DPP10: variants seen among roughly 807,000 people sequenced by gnomAD.
DPP10 encodes dipeptidyl peptidase like 10.
In DPP10, 33 loss-of-function variants were observed where a neutral mutation model predicts 120.9. The ratio of observed to expected loss-of-function variants is 0.27; its 90% CI spans 0.21 to 0.37. The LOEUF (loss-of-function observed/expected upper bound fraction) is 0.37, where lower values mean the gene tolerates loss of function less well. Ranked by LOEUF, DPP10 falls within the 10% of genes least tolerant of loss-of-function variation. DPP10 has a pLI of 1.00. For synonymous variants in DPP10, 337 were observed against 326.1 expected, an observed-to-expected ratio of 1.03 and a Z score of -0.36; for missense variants, 816 against 942.8, an observed-to-expected ratio of 0.87 and a Z score of 1.76.
intron 1 of DPP10, among the ~76,000 whole-genome samples, chr2:114,968,177 C>G (rs1699165141): frequency 6.6e-6 from 1 of 152,172 alleles, no homozygotes; most frequent in Non-Finnish European, 1.5e-5. Flanking sequence ...TACACCTGTG[C>G]TCTCGTCTTG....
chr2:115,165,335 G>A (rs1162875708), intron 1 of DPP10, among the ~76,000 whole-genome samples: 1 of 152,156 alleles, frequency 6.6e-6, no homozygotes, highest in Non-Finnish European at 1.5e-5. Context: ...GGAACTCATG[G>A]AGGTCTGAAG....
At chr2:114,615,926 G>C (rs528852723) in intron 1 of DPP10, among the ~76,000 whole-genome samples, 1 of 152,220 alleles carries the variant, frequency 6.6e-6, no homozygotes, top group Admixed American at 6.5e-5. Flanking sequence ...ATAAGGTGTA[G>C]CCATATAATG....
chr2:114,721,071 T>C (rs1701675791), intron 1 of DPP10, among the ~76,000 whole-genome samples: 1 of 152,186 alleles, frequency 6.6e-6, no homozygotes, highest in African/African-American at 2.4e-5. Flanking sequence ...GCATAACCTA[T>C]CCCACCCTGA....
chr2:114,618,962 A>G lies in DPP10; in HGVS notation c.60+176124A>G, dbSNP rs115304091. On this transcript the variant is annotated intron_variant, in intron 1 of 25. Transcript: ENST00000410059. ...ATGTACAGAATTAAGGTCCAGAGTC[A>G]AGTCTGGACATTATCAGGAATTGCC... Among the ~76,000 whole-genome samples the G allele has an allele frequency of 7.3e-3, 1,116 of 152,124 alleles. 19 individuals are homozygous for G. The highest frequency in any genetic ancestry group is 0.025 in the African/African-American group (1,022 of 41,540).
chr2:114,876,466 CT>C (rs1479196909), intron 1 of DPP10, among the ~76,000 whole-genome samples: 1 of 152,124 alleles, frequency 6.6e-6, no homozygotes, highest in African/African-American at 2.4e-5. Flanking sequence ...TGGATCTGAA[CT>C]CTGGCCCTGC....
chr2:115,614,788 A>T (rs1478552692), intron 5 of DPP10, among the ~76,000 whole-genome samples: 1 of 152,188 alleles, frequency 6.6e-6, no homozygotes, highest in Non-Finnish European at 1.5e-5. Flanking sequence ...CAGAATTATC[A>T]TAGAGAGAAA....
chr2:114,721,143 TC>T (rs1701681444), intron 1 of DPP10, among the ~76,000 whole-genome samples: 1 of 152,232 alleles, frequency 6.6e-6, no homozygotes, highest in South Asian at 2.1e-4. Context: ...TCTGACTTCT[TC>T]AAGCATCTAA....
intron 1 of DPP10, among the ~76,000 whole-genome samples, chr2:114,929,181 C>T (rs10173631): frequency 5.9e-5 from 9 of 152,196 alleles, no homozygotes; most frequent in East Asian, 5.8e-4. Flanking sequence ...CATGCTTGAA[C>T]GGACAATACA....
intron 1 of DPP10, among the ~76,000 whole-genome samples, chr2:114,575,129 C>T (rs539002601): frequency 6.4e-4 from 98 of 152,066 alleles, no homozygotes; most frequent in Middle Eastern, 3.4e-3. Context: ...CATTTGATGA[C>T]GCTGAAAATG....
intron 5 of DPP10, among the ~76,000 whole-genome samples, chr2:115,634,874 C>G (rs2086192831): frequency 6.7e-6 from 1 of 150,308 alleles, no homozygotes; most frequent in African/African-American, 2.5e-5. Context: ...GGGCTCAGTC[C>G]CAGAGAGATT....
At chr2:115,005,125 C>T (rs1418541604) in intron 1 of DPP10, among the ~76,000 whole-genome samples, 2 of 151,838 alleles carry the variant, frequency 1.3e-5, no homozygotes, top group African/African-American at 4.8e-5. Context: ...CCTCACACTG[C>T]AGGGTACTCC....
At chr2:114,463,916 C>T (rs1679138189) in intron 1 of DPP10, among the ~76,000 whole-genome samples, 1 of 152,094 alleles carries the variant, frequency 6.6e-6, no homozygotes. Flanking sequence ...TTCAGATAGG[C>T]TTTTTTTCAT....
intron 1 of DPP10, among the ~76,000 whole-genome samples, chr2:114,699,354 T>C: frequency 6.6e-6 from 1 of 152,012 alleles, no homozygotes; most frequent in East Asian, 1.9e-4. Flanking sequence ...AGAACATATT[T>C]TGATAATTTA....
chr2:114,582,480 G>T (rs1416725261), intron 1 of DPP10, among the ~76,000 whole-genome samples: 3 of 152,130 alleles, frequency 2.0e-5, no homozygotes, highest in Non-Finnish European at 4.4e-5. Flanking sequence ...TGAATCATAT[G>T]GTAAGAGTAT....
At chr2:115,176,448 G>A (rs2053697297) in intron 1 of DPP10, among the ~76,000 whole-genome samples, 1 of 151,310 alleles carries the variant, frequency 6.6e-6, no homozygotes, top group Admixed American at 6.6e-5. Flanking sequence ...TGCAAATGAG[G>A]ATCTGAGGTT....
chr2:115,845,090 T>C lies in DPP10; in HGVS notation c.*2745T>C, dbSNP rs1690508311. The C allele has an allele frequency of 6.6e-6, 1 of 152,056 alleles. No individual in the cohort carries two copies. The highest frequency in any genetic ancestry group is 1.5e-5 in the Non-Finnish European group (1 of 68,002). The allele number at this position is 152,056 out of a possible 1,614,324, so 9.4% of individuals were successfully genotyped here. On this transcript the variant is annotated 3_prime_UTR_variant, in exon 26 of 26. Coordinates refer to ENST00000410059, the MANE Select transcript of DPP10 (RefSeq NM_020868.6). ...CTATTACAATGAGGTGACTTAGACA[T>C]TGGGCTTTACCATATTAGAGAATTA...
At chr2:114,694,593 C>T (rs1255400170) in intron 1 of DPP10, among the ~76,000 whole-genome samples, 2 of 151,908 alleles carry the variant, frequency 1.3e-5, no homozygotes, top group Non-Finnish European at 2.9e-5. Context: ...AATGGATAAC[C>T]ATGTGCCAAA....
At chr2:115,438,659 A>G (rs1436742749) in intron 3 of DPP10, among the ~76,000 whole-genome samples, 1 of 152,260 alleles carries the variant, frequency 6.6e-6, no homozygotes. Flanking sequence ...GACAAACAGT[A>G]TGATTCCACT....
intron 1 of DPP10, among the ~76,000 whole-genome samples, chr2:114,450,727 TAA>T (rs535824596): frequency 7.2e-4 from 95 of 132,540 alleles, no homozygotes; most frequent in Non-Finnish European, 7.4e-4. Flanking sequence ...CTTCTGTAAG[TAA>T]AAAAAAAAAA....
Sources: gnomAD v4.1 joint callset for allele counts (sites outside exome capture counted in the v4.1 genomes callset) on GRCh38, gnomAD v4.1.1 for gene constraint, MANE v1.5 for transcripts, NCBI Gene and HGNC (gene_info 2026-07-23, HGNC 2026-07-21) for gene names.